The following PDPK1 variants were observed in gnomAD, a reference collection of about 807,000 sequenced individuals.
PDPK1 encodes 3-phosphoinositide dependent protein kinase 1.
A neutral mutation model predicts 39.8 loss-of-function variants in PDPK1; 7 were observed. The observed-to-expected ratio is 0.18, with a 90% CI of 0.10 to 0.33. The LOEUF is 0.33. PDPK1 is among the 10% of genes least tolerant of loss of function. The pLI is 1.00. For synonymous variants in PDPK1, 118 were observed against 159.1 expected, an observed-to-expected ratio of 0.74 and a Z score of 1.95; for missense variants, 182 against 384.7, an observed-to-expected ratio of 0.47 and a Z score of 4.41.
intron 11 of PDPK1, among the ~76,000 whole-genome samples, chr16:2,590,064 T>A (rs555352365): frequency 6.6e-6 from 1 of 152,262 alleles, no homozygotes; most frequent in South Asian, 2.1e-4. Context: ...AGTGGATGAG[T>A]CTACAGACAG....
At position 2,595,798 on chromosome 16, in the gene PDPK1, A is replaced by C. The variant is rs1464654956; in HGVS notation, c.1349A>C (p.Gln450Pro). 1 of 1,612,060 alleles carries C rather than the reference A, an allele frequency of 6.2e-7. No individual in the cohort carries two copies. Among genetic ancestry groups the C allele is most frequent in the East Asian group, 2.2e-5 (1 of 44,882 alleles). Residue 450 changes from glutamine to proline, a missense_variant, in exon 12 of 14, where the codon CAG (glutamine) becomes CCG (proline). Coordinates refer to ENST00000342085, the MANE Select transcript of PDPK1 (RefSeq NM_002613.5). ...EKQAGGNPWHQFVENNLILKM... is the reference protein window; with the variant it reads ...EKQAGGNPWHPFVENNLILKM... ...TTTCTTGTTTCTTTCCACAGGCACC[A>C]GTTTGTAGAAAATAATTTAATACTA... is the stretch of plus-strand genomic sequence containing the variant.
Position 2,601,193 on chromosome 16 carries a change from C to T in PDPK1, c.*3426C>T, listed in dbSNP as rs1407052770. 8.6e-6 allele frequency: 2 copies of T among 233,594 alleles called. No homozygotes were observed. The highest frequency in any genetic ancestry group is 1.7e-5 in the Non-Finnish European group (2 of 117,926). The allele number at this position is 233,594 out of a possible 1,614,324, so 14.5% of individuals were successfully genotyped here. A position where few individuals can be genotyped will look rare whatever the true frequency, so the allele number is the denominator to read the frequency against. On this transcript the variant is annotated 3_prime_UTR_variant, in exon 14 of 14. Transcript: ENST00000342085. The stretch of plus-strand genomic sequence containing the variant: ...TTTGAAGATATTTCTGTCTCTCTCT[C>T]GACCTGATGTGTAGACGCTCACTTC...
intron 1 of PDPK1, among the ~76,000 whole-genome samples, chr16:2,545,337 T>C (rs1314186141): frequency 7.2e-6 from 1 of 138,634 alleles, no homozygotes; most frequent in Admixed American, 7.1e-5. Context: ...TTTCTCTCTC[T>C]TTTTTTTTTT....
chr16:2,577,256 C>G (rs2066729910), intron 6 of PDPK1, 169 bp from the exon 7 acceptor site: 2 of 708,502 alleles, frequency 2.8e-6, no homozygotes, highest in Admixed American at 4.2e-5. Flanking sequence ...CGCCGGTGTC[C>G]AGGGATCAGG....
intron 10 of PDPK1, among the ~76,000 whole-genome samples, chr16:2,584,750 G>A (rs1393480589): frequency 6.6e-6 from 1 of 150,806 alleles, no homozygotes; most frequent in African/African-American, 2.5e-5. Context: ...TACCTGCTGT[G>A]TAACGCCCCT....
rs564540802 is a variant in PDPK1, at chr16:2,551,472, T to G, written c.25-6231T>G. On this transcript the variant is annotated intron_variant, in intron 1 of 13. Transcript: ENST00000342085. ...TGGTCCGGGGGCCTGGAGAGAGCAG[T>G]TCCTGCTTGCCGCGTGTGAGAGTGT... 1.1e-3 allele frequency among the ~76,000 whole-genome samples: 162 copies of G among 150,656 alleles called. 1 individual carries two copies. Among genetic ancestry groups the G allele is most frequent in the Admixed American group, 2.6e-3 (38 of 14,654 alleles).
Position 2,538,141 on chromosome 16 carries a change from G to T in PDPK1, c.24+5G>T. The T allele has an allele frequency of 9.4e-7, 1 of 1,061,574 alleles. No homozygotes were observed. The highest frequency in any genetic ancestry group is 5.5e-5 in the Admixed American group (1 of 18,192). The allele number at this position is 1,061,574 out of a possible 1,614,324, so 65.8% of individuals were successfully genotyped here. A position where few individuals can be genotyped will look rare whatever the true frequency, so the allele number is the denominator to read the frequency against. On this transcript the variant is annotated splice_donor_5th_base_variant and intron_variant, in intron 1 of 13. Coordinates refer to ENST00000342085, the MANE Select transcript of PDPK1 (RefSeq NM_002613.5). ...GCCAGGACCACCAGCCAGCTGGTGA[G>T]CGCGCGGCGGCGGACTGGACGCGCC...
In PDPK1 at chr16:2,601,310, C is replaced by T. The variant is rs1339603857; in HGVS notation, c.*3543C>T. On this transcript the variant is annotated 3_prime_UTR_variant, in exon 14 of 14. Transcript: ENST00000342085. ...GTTCCAAAGAATGTCTGAATAAGAC[C>T]GCTCTTTATTTAAATGCTAAGAGGA... 9 of 234,364 alleles carry T rather than the reference C, an allele frequency of 3.8e-5. No homozygotes were observed. The highest frequency in any genetic ancestry group is 1.8e-4 in the African/African-American group (8 of 45,290). The allele number at this position is 234,364 out of a possible 1,614,324, so 14.5% of individuals were successfully genotyped here.
In PDPK1 at chr16:2,597,633, C is replaced by T. The variant is rs201169254; in HGVS notation, c.1555-18C>T. On this transcript the variant is annotated intron_variant, in intron 13 of 13. Coordinates refer to ENST00000342085, the MANE Select transcript of PDPK1 (RefSeq NM_002613.5). The surrounding 1 kb of genome is among the most constrained non-coding windows in gnomAD (Gnocchi z 6.3). ...GTGGGACTCCCTGGAGAACACTAAA[C>T]GGCTTCTGTCTTCGCAGCCTAACAG... is the stretch of plus-strand genomic sequence containing the variant. 8.0e-5 allele frequency: 125 copies of T among 1,569,748 alleles called. No homozygotes were observed. In the East Asian group the frequency reaches 2.3e-3, roughly 29 times the overall value.
In PDPK1 at chr16:2,593,437, C is replaced by G; in HGVS notation, c.1344-2356C>G. 1 of 318,216 alleles carries G rather than the reference C, an allele frequency of 3.1e-6. No homozygotes were observed. Among genetic ancestry groups the G allele is most frequent in the South Asian group, 2.5e-5 (1 of 39,850 alleles). 19.7% of individuals were successfully genotyped at this position (318,216 alleles called of 1,614,324 possible). ...TTTCGTCCTCTTTCCGTGGCTCCCA[C>G]AGCTCAGTGCTGGGCTGCTGTTCTC... On this transcript the variant is annotated intron_variant, in intron 11 of 13. Transcript: ENST00000342085. The surrounding 1 kb of genome is among the most constrained non-coding windows in gnomAD (Gnocchi z 4.2).
At chr16:2,551,478 C>T (rs1025591737) in intron 1 of PDPK1, among the ~76,000 whole-genome samples, 6 of 150,598 alleles carry the variant, frequency 4.0e-5, no homozygotes, top group African/African-American at 1.2e-4. Context: ...GCAGTTCCTG[C>T]TTGCCGCGTG....
intron 11 of PDPK1, chr16:2,592,900 C>T (rs947347464): frequency 4.2e-5 from 19 of 456,466 alleles, no homozygotes; most frequent in African/African-American, 2.6e-4. Flanking sequence ...GGCGCCTGTC[C>T]GTGGGGCCCT....
intron 1 of PDPK1, among the ~76,000 whole-genome samples, chr16:2,545,805 A>C (rs1371111643): frequency 6.6e-6 from 1 of 152,034 alleles, no homozygotes; most frequent in African/African-American, 2.4e-5. Flanking sequence ...GCTAATTATA[A>C]TTTTTAAAAT....
At chr16:2,596,723 A>G (rs73492135) in intron 12 of PDPK1, among the ~76,000 whole-genome samples, 2,957 of 152,278 alleles carry the variant, frequency 0.019, 96 homozygotes, top group African/African-American at 0.067. Flanking sequence ...GAAAATATTC[A>G]GCTCCAGGTG....
chr16:2,562,775 GGAGT>G (rs2066632315), intron 4 of PDPK1: 1 of 150,314 alleles, frequency 6.7e-6, no homozygotes, highest in Non-Finnish European at 1.5e-5. Flanking sequence ...CTCCTGGGCA[GGAGT>G]GTGTGGGGGG....
chr16:2,595,701 G>A (rs1020122848), intron 11 of PDPK1, 92 bp from the exon 12 acceptor site: 20 of 1,015,046 alleles, frequency 2.0e-5, no homozygotes, highest in African/African-American at 1.3e-4. Context: ...GGGGCAGGCC[G>A]AGGCTATGGG....
intron 12 of PDPK1, among the ~76,000 whole-genome samples, chr16:2,596,490 G>A (rs1375168552): frequency 2.6e-5 from 4 of 152,162 alleles, no homozygotes; most frequent in African/African-American, 7.2e-5. Flanking sequence ...CACGGCGCCC[G>A]GCCGGGTTGT....
intron 1 of PDPK1, among the ~76,000 whole-genome samples, chr16:2,539,987 G>A (rs2066214665): frequency 6.6e-6 from 1 of 152,224 alleles, no homozygotes; most frequent in African/African-American, 2.4e-5. Flanking sequence ...ATGCAAGATG[G>A]ATTTCCACAT....
intron 1 of PDPK1, among the ~76,000 whole-genome samples, chr16:2,545,188 C>T (rs1249970966): frequency 6.6e-6 from 1 of 151,754 alleles, no homozygotes; most frequent in Non-Finnish European, 1.5e-5. Flanking sequence ...CAGGTGTGTA[C>T]CACCAGTCGT....
Sources: allele counts gnomAD v4.1 joint callset (sites outside exome capture counted in the v4.1 genomes callset), GRCh38; gene constraint gnomAD v4.1.1; non-coding constraint Gnocchi (gnomAD v3.1); transcripts MANE v1.5; gene names NCBI Gene and HGNC (gene_info 2026-07-23, HGNC 2026-07-21).